The following CACNG2 variants were observed in gnomAD, a reference collection of about 807,000 sequenced individuals.
CACNG2 encodes the protein calcium voltage-gated channel auxiliary subunit gamma 2.
In CACNG2, 3 loss-of-function variants were observed where a neutral mutation model predicts 25.9. The observed-to-expected ratio is 0.12, with a 90% CI of 0.05 to 0.30. The LOEUF (loss-of-function observed/expected upper bound fraction) is 0.30, where lower values mean the gene tolerates loss of function less well. Ranked by LOEUF, CACNG2 falls within the 10% of genes least tolerant of loss-of-function variation. The pLI is 1.00. For missense variants in CACNG2, 341 were observed against 432.5 expected (o/e 0.79, Z 1.88); for synonymous variants, 167 against 173.3 (o/e 0.96, Z 0.29).
chr22:36,587,100 A>C (rs1379483074), intron 2 of CACNG2, among the ~76,000 whole-genome samples: 1 of 152,076 alleles, frequency 6.6e-6, no homozygotes, highest in Non-Finnish European at 1.5e-5. Context: ...GGGTGAGTCC[A>C]TACCCTAGCA....
intron 1 of CACNG2, among the ~76,000 whole-genome samples, chr22:36,623,891 C>T (rs1478527884): frequency 6.6e-6 from 1 of 152,156 alleles, no homozygotes; most frequent in African/African-American, 2.4e-5. Flanking sequence ...GGTTCAGTCT[C>T]ATTAACCCCA....
intron 1 of CACNG2, among the ~76,000 whole-genome samples, chr22:36,590,051 G>A (rs756827463): frequency 1.3e-5 from 2 of 152,132 alleles, no homozygotes; most frequent in Admixed American, 1.3e-4. Context: ...GCCCTGAGGC[G>A]TCCCACAAAT....
At chr22:36,597,986 G>A (rs1935701859) in intron 1 of CACNG2, among the ~76,000 whole-genome samples, 2 of 152,190 alleles carry the variant, frequency 1.3e-5, no homozygotes, top group African/African-American at 4.8e-5. Context: ...AGGATTCCCT[G>A]AATATACCAT....
At chr22:36,699,543 G>C (rs1246162815) in intron 1 of CACNG2, among the ~76,000 whole-genome samples, 2 of 151,490 alleles carry the variant, frequency 1.3e-5, no homozygotes, top group Non-Finnish European at 2.9e-5. Context: ...GGAAGACAGG[G>C]TTGTTTTTCA....
chr22:36,572,144 G>A (rs189807330), intron 2 of CACNG2, among the ~76,000 whole-genome samples: 226 of 152,276 alleles, frequency 1.5e-3, no homozygotes, highest in Non-Finnish European at 2.5e-3. Flanking sequence ...GTAAGCATAT[G>A]GCACTTCACA....
At chr22:36,691,947 G>A (rs1236755497) in intron 1 of CACNG2, among the ~76,000 whole-genome samples, 1 of 152,180 alleles carries the variant, frequency 6.6e-6, no homozygotes, top group Non-Finnish European at 1.5e-5. Context: ...AATTCAGGAA[G>A]GAGAAAGGAT....
At chr22:36,655,454 T>C (rs1936688484) in intron 1 of CACNG2, among the ~76,000 whole-genome samples, 1 of 152,238 alleles carries the variant, frequency 6.6e-6, no homozygotes, top group South Asian at 2.1e-4. Flanking sequence ...TACCACTCTG[T>C]ATGCCAATTT....
chr22:36,633,826 A>G (rs1022763499), intron 1 of CACNG2, among the ~76,000 whole-genome samples: 2 of 152,238 alleles, frequency 1.3e-5, no homozygotes, highest in African/African-American at 4.8e-5. Flanking sequence ...CCAGTAACAC[A>G]TTTGAAATAA....
intron 1 of CACNG2, among the ~76,000 whole-genome samples, chr22:36,694,793 C>A (rs934220305): frequency 6.6e-6 from 1 of 152,214 alleles, no homozygotes; most frequent in Non-Finnish European, 1.5e-5. Flanking sequence ...ACTGTCAACA[C>A]ATTTTTAAAT....
In CACNG2 at chr22:36,692,407, A is replaced by G. The variant is rs114502410; in HGVS notation, c.211+9959T>C. Among the ~76,000 whole-genome samples the G allele has an allele frequency of 2.1e-3, 320 of 152,300 alleles. 1 individual carries two copies. The highest frequency in any genetic ancestry group is 7.4e-3 in the African/African-American group (308 of 41,560). On this transcript the variant is annotated intron_variant, in intron 1 of 3. Coordinates refer to ENST00000300105, the MANE Select transcript of CACNG2 (RefSeq NM_006078.5). ...GTCAGTGCCTCTGGGCCCGGCAGTA[A>G]CTAACAAGGATTGCAATGGAGAGAA...
intron 1 of CACNG2, among the ~76,000 whole-genome samples, chr22:36,658,976 G>T (rs987515516): frequency 4.6e-5 from 7 of 152,158 alleles, no homozygotes; most frequent in African/African-American, 1.7e-4. Flanking sequence ...GCGCCAGACG[G>T]TGGCTCTCCG....
At chr22:36,603,713 C>G (rs542082782) in intron 1 of CACNG2, among the ~76,000 whole-genome samples, 1 of 152,210 alleles carries the variant, frequency 6.6e-6, no homozygotes, top group Non-Finnish European at 1.5e-5. Context: ...AGCCTACATG[C>G]AGCATATCTA....
intron 1 of CACNG2, among the ~76,000 whole-genome samples, chr22:36,600,485 C>G (rs1381612931): frequency 6.6e-6 from 1 of 150,966 alleles, no homozygotes; most frequent in East Asian, 1.9e-4. Flanking sequence ...ATAGCCAAGC[C>G]TAATCCTAAT....
intron 1 of CACNG2, among the ~76,000 whole-genome samples, chr22:36,668,786 C>T (rs1322127233): frequency 7.2e-5 from 11 of 152,104 alleles, no homozygotes; most frequent in Admixed American, 7.2e-4. Context: ...TGGGAGCTTA[C>T]ACCACCGGGC....
At chr22:36,604,732 C>G (rs4630864) in intron 1 of CACNG2, among the ~76,000 whole-genome samples, 7 of 152,010 alleles carry the variant, frequency 4.6e-5, no homozygotes, top group Non-Finnish European at 7.4e-5. Context: ...ATTGTTTTCT[C>G]AGACATAATG....
intron 1 of CACNG2, among the ~76,000 whole-genome samples, chr22:36,625,758 T>C (rs1452728029): frequency 6.6e-6 from 1 of 152,220 alleles, no homozygotes; most frequent in Non-Finnish European, 1.5e-5. Flanking sequence ...GTAATTTGAC[T>C]GTATGTGCTT....
chr22:36,570,149 C>T (rs1478856762), intron 2 of CACNG2, among the ~76,000 whole-genome samples: 1 of 152,218 alleles, frequency 6.6e-6, no homozygotes, highest in African/African-American at 2.4e-5. Flanking sequence ...AACCCGGATG[C>T]CCCAGCTCAG....
chr22:36,662,829 C>T (rs369801592), intron 1 of CACNG2, among the ~76,000 whole-genome samples: 19 of 152,208 alleles, frequency 1.2e-4, no homozygotes, highest in Middle Eastern at 3.4e-3. Flanking sequence ...TTCTGTGTCA[C>T]GGTTGAGGAG....
intron 1 of CACNG2, among the ~76,000 whole-genome samples, chr22:36,666,487 G>A (rs1226524101): frequency 3.3e-5 from 5 of 152,162 alleles, no homozygotes; most frequent in African/African-American, 1.2e-4. Flanking sequence ...CATAGAGACA[G>A]AATGCAGAAG....
Sources: gnomAD v4.1 joint callset for allele counts (sites outside exome capture counted in the v4.1 genomes callset) on GRCh38, gnomAD v4.1.1 for gene constraint, MANE v1.5 for transcripts, NCBI Gene and HGNC (gene_info 2026-07-23, HGNC 2026-07-21) for gene names.